The following TPST1 variants were observed in gnomAD, a reference collection of about 807,000 sequenced individuals.
TPST1 encodes the protein tyrosylprotein sulfotransferase 1.
In TPST1, 20 loss-of-function variants were observed where a neutral mutation model predicts 34.8. That is an observed-to-expected ratio of 0.57 (90% confidence interval 0.40 to 0.84). TPST1 has a LOEUF of 0.84. Ranked by LOEUF, TPST1 falls within the 40% of genes least tolerant of loss-of-function variation. The pLI, the probability that TPST1 is intolerant of heterozygous loss-of-function variation, is 0.00. For synonymous variants in TPST1, 152 were observed against 159.4 expected (o/e 0.95, Z 0.35); for missense variants, 353 against 455.5 (o/e 0.78, Z 2.05).
chr7:66,313,774 T>C (rs1037753275), intron 3 of TPST1, among the ~76,000 whole-genome samples: 2 of 152,170 alleles, frequency 1.3e-5, no homozygotes, highest in Admixed American at 6.5e-5. Flanking sequence ...CCCAAATTCA[T>C]GTGTTTGTCT....
chr7:66,239,673 A>C (rs1789985261), intron 1 of TPST1, among the ~76,000 whole-genome samples: 1 of 152,198 alleles, frequency 6.6e-6, no homozygotes, highest in Non-Finnish European at 1.5e-5. Flanking sequence ...TGGACTCCAG[A>C]CATTCTTGGG....
At chr7:66,359,317 C>T (rs560645872) in intron 5 of TPST1, 3 of 144,644 alleles carry the variant, frequency 2.1e-5, no homozygotes. Context: ...ACTTAAAGAA[C>T]CTTAGGACCC....
rs998714271 is a variant in TPST1, at chr7:66,356,745, C to T, written c.1096-80C>T. The T allele has an allele frequency of 2.1e-5, 32 of 1,559,124 alleles. No individual in the cohort carries two copies. In the African/African-American group the frequency reaches 4.1e-4, roughly 20 times the overall value. On this transcript the variant is annotated intron_variant, in intron 4 of 5. Transcript: ENST00000304842. ...AGTGAACAGAGCCTGCGGGCCACCC[C>T]TCATGTTTCAGTGGGGACGGTCACT...
At chr7:66,201,313 G>A (rs201449617), upstream of TPST1, among the ~76,000 whole-genome samples, 9 of 149,610 alleles carry the variant, frequency 6.0e-5, no homozygotes, top group South Asian at 2.1e-4. Flanking sequence ...GGAGGCCAGC[G>A]TTGGAGGACT....
intron 3 of TPST1, among the ~76,000 whole-genome samples, chr7:66,319,292 T>C (rs958761919): frequency 3.3e-5 from 5 of 152,236 alleles, no homozygotes; most frequent in African/African-American, 9.6e-5. Context: ...ATAATTTCTT[T>C]AGATCAATTG....
At position 66,241,025 on chromosome 7, in the gene TPST1, A is replaced by G. The variant is rs772943103; in HGVS notation, c.600A>G (p.Ile200Met). 7 of 1,614,212 alleles carry G rather than the reference A, an allele frequency of 4.3e-6. No homozygotes were observed. Among genetic ancestry groups the G allele is most frequent in the African/African-American group, 1.3e-5 (1 of 75,050 alleles). ...VHSMISRKVT[I>M]AGFDLNSYRD... is the part of the protein sequence containing the mutation. ...CAATGATTTCTCGAAAAGTTACTAT[A>G]GCTGGATTTGATCTGAACAGCTATA... is the stretch of plus-strand genomic sequence containing the variant. Residue 200 changes from isoleucine to methionine, a missense_variant, in exon 2 of 6, where the codon ATA becomes ATG. By Grantham distance (10) the Ile-to-Met change is conservative. Transcript: ENST00000304842.
intron 2 of TPST1, among the ~76,000 whole-genome samples, chr7:66,255,731 C>G (rs1287452962): frequency 3.3e-5 from 5 of 152,032 alleles, no homozygotes; most frequent in African/African-American, 1.2e-4. Context: ...GACATTTGTG[C>G]TGATAGTGCA....
intron 3 of TPST1, among the ~76,000 whole-genome samples, chr7:66,335,039 G>A (rs1330387312): frequency 6.6e-6 from 1 of 152,148 alleles, no homozygotes; most frequent in Non-Finnish European, 1.5e-5. Flanking sequence ...ACACCCTATT[G>A]ACAAGGATGG....
At chr7:66,313,314 C>T (rs1304743025) in intron 3 of TPST1, among the ~76,000 whole-genome samples, 1 of 152,026 alleles carries the variant, frequency 6.6e-6, no homozygotes, top group Non-Finnish European at 1.5e-5. Flanking sequence ...ACTCGGGAGG[C>T]TGAGGCAGGA....
At chr7:66,208,793 G>A (rs985281262) in intron 1 of TPST1, among the ~76,000 whole-genome samples, 1 of 152,016 alleles carries the variant, frequency 6.6e-6, no homozygotes, top group African/African-American at 2.4e-5. Context: ...ATAATGTTCT[G>A]TTTTCTTATT....
At chr7:66,295,768 A>G (rs1016069000) in intron 3 of TPST1, among the ~76,000 whole-genome samples, 5 of 152,000 alleles carry the variant, frequency 3.3e-5, no homozygotes, top group Non-Finnish European at 7.4e-5. Flanking sequence ...CTCAGGTGGG[A>G]TTATAGGCAC....
intron 3 of TPST1, among the ~76,000 whole-genome samples, chr7:66,317,886 C>T (rs920154080): frequency 2.6e-5 from 4 of 152,120 alleles, no homozygotes; most frequent in South Asian, 2.1e-4. Context: ...AGGCCAGGCA[C>T]GGTGGCTCAT....
At chr7:66,298,524 G>C (rs1423655739) in intron 3 of TPST1, among the ~76,000 whole-genome samples, 1 of 151,966 alleles carries the variant, frequency 6.6e-6, no homozygotes, top group Non-Finnish European at 1.5e-5. Flanking sequence ...TCTTTATATA[G>C]CTGGCTTTGT....
rs182951448 is a variant in TPST1, at chr7:66,338,255, A to G, written c.1045-14250A>G. On this transcript the variant is annotated intron_variant, in intron 3 of 5. Coordinates refer to ENST00000304842, the MANE Select transcript of TPST1 (RefSeq NM_003596.4). Reference sequence around the variant, plus strand: ...AAAAAGACAAGGCCATTATATAACGACAAAGGGGTCAGTACAGCAAGAGGA... The same window carrying G: ...AAAAAGACAAGGCCATTATATAACGGCAAAGGGGTCAGTACAGCAAGAGGA... Among the ~76,000 whole-genome samples the G allele has an allele frequency of 3.5e-3, 530 of 152,340 alleles. 1 individual carries two copies. The highest frequency in any genetic ancestry group is 4.3e-3 in the Non-Finnish European group (291 of 68,024).
At chr7:66,221,356 A>G (rs1198557133) in intron 1 of TPST1, among the ~76,000 whole-genome samples, 3 of 152,172 alleles carry the variant, frequency 2.0e-5, no homozygotes, top group Admixed American at 2.0e-4. Flanking sequence ...CCAGTTACTC[A>G]TGGAGAGGTT....
At chr7:66,307,343 C>G (rs1265950050) in intron 3 of TPST1, among the ~76,000 whole-genome samples, 7 of 151,938 alleles carry the variant, frequency 4.6e-5, no homozygotes, top group Non-Finnish European at 8.8e-5. Flanking sequence ...TGGTCTCGAT[C>G]TCTTGACTTC....
intron 3 of TPST1, among the ~76,000 whole-genome samples, chr7:66,295,080 G>A (rs1420948689): frequency 6.6e-6 from 1 of 152,010 alleles, no homozygotes; most frequent in Non-Finnish European, 1.5e-5. Context: ...GTGCTGCAGT[G>A]AACATCTTTG....
At chr7:66,214,607 G>T (rs1789349115) in intron 1 of TPST1, among the ~76,000 whole-genome samples, 1 of 151,060 alleles carries the variant, frequency 6.6e-6, no homozygotes. Flanking sequence ...CTTGAGCCCA[G>T]GGGTTCAAGA....
intron 1 of TPST1, among the ~76,000 whole-genome samples, chr7:66,228,906 A>T (rs77921270): frequency 0.02 from 2,994 of 152,204 alleles, 82 homozygotes; most frequent in East Asian, 0.1. Flanking sequence ...TTAAAAAAAA[A>T]TTTTTGAAAT....
Sources: gnomAD v4.1 joint callset for allele counts (sites outside exome capture counted in the v4.1 genomes callset) on GRCh38, gnomAD v4.1.1 for gene constraint, MANE v1.5 for transcripts, NCBI Gene and HGNC (gene_info 2026-07-23, HGNC 2026-07-21) for gene names.